The following PGBD5 variants were observed in gnomAD, a reference collection of about 807,000 sequenced individuals.
PGBD5 encodes piggyBac transposable element-derived protein 5.
A neutral mutation model predicts 47.9 loss-of-function variants in PGBD5; 14 were observed. The ratio of observed to expected loss-of-function variants is 0.29; its 90% CI spans 0.19 to 0.46. The LOEUF (loss-of-function observed/expected upper bound fraction) is 0.46, where lower values mean the gene tolerates loss of function less well. Among genes scored for constraint, PGBD5 ranks in the 20% least tolerant of loss-of-function variants. The pLI is 1.00. For missense variants in PGBD5, 635 were observed against 716.0 expected, an observed-to-expected ratio of 0.89 and a Z score of 1.29; for synonymous variants, 316 against 306.3, an observed-to-expected ratio of 1.03 and a Z score of -0.33.
Position 230,332,948 on chromosome 1 carries a change from C to T in PGBD5, c.1169G>A (p.Arg390Gln), listed in dbSNP as rs370203975. 6.2e-7 allele frequency: 1 copy of T among 1,614,132 alleles called. No homozygotes were observed. Among genetic ancestry groups the T allele is most frequent in the Admixed American group, 1.7e-5 (1 of 60,028 alleles). Reference sequence around the variant, plus strand: ...CTTCATCTTGATTTGGTACTGGCCCCGGGCCGGGGGTGTGGCTGGGTTGGT... The same window carrying T: ...CTTCATCTTGATTTGGTACTGGCCCTGGGCCGGGGGTGTGGCTGGGTTGGT... ...MLTNPATPPA[R>Q]GQYQIKMKGN... is the part of the protein sequence containing the mutation. The change falls in exon 5 of 7, where the codon CGG becomes CAG. Residue 390 changes from arginine to glutamine, a missense_variant. Transcript: ENST00000391860.
intron 1 of PGBD5, among the ~76,000 whole-genome samples, chr1:230,422,092 A>G (rs2102756866): frequency 6.6e-6 from 1 of 152,210 alleles, no homozygotes; most frequent in South Asian, 2.1e-4. Flanking sequence ...TGGGGGGAAA[A>G]CACACACATA....
Position 230,323,643 on chromosome 1 carries a change from C to T in PGBD5, c.1380-23G>A, listed in dbSNP as rs78150199. 4,125 of 1,599,946 alleles carry T rather than the reference C, an allele frequency of 2.6e-3. 80 individuals are homozygous for T. The African/African-American group carries it at 0.046, about 18-fold the overall frequency. On this transcript the variant is annotated intron_variant, in intron 6 of 6. Transcript: ENST00000391860. This position sits in a 1 kb window ranked among gnomAD's most constrained non-coding sequence, Gnocchi z 4.1. Reference sequence around the variant, plus strand: ...TACCTGAGGACAGAGGGAATAAGAACGGCTGACCCGATGGTTCATGGCACC... The same window carrying T: ...TACCTGAGGACAGAGGGAATAAGAATGGCTGACCCGATGGTTCATGGCACC...
intron 2 of PGBD5, among the ~76,000 whole-genome samples, chr1:230,351,773 A>T (rs1285907373): frequency 6.6e-6 from 1 of 152,158 alleles, no homozygotes; most frequent in African/African-American, 2.4e-5. Context: ...GGTTGTCATG[A>T]CCTTTCTGAC....
intron 1 of PGBD5, among the ~76,000 whole-genome samples, chr1:230,412,050 G>A (rs1657420799): frequency 1.3e-5 from 2 of 152,152 alleles, no homozygotes; most frequent in Non-Finnish European, 1.5e-5. Flanking sequence ...ATGTGTTCAT[G>A]TATGAGCACC....
At chr1:230,367,182 C>A (rs559851928) in intron 1 of PGBD5, among the ~76,000 whole-genome samples, 132 of 152,234 alleles carry the variant, frequency 8.7e-4, no homozygotes, top group Middle Eastern at 6.8e-3. Context: ...GGGTCCATTT[C>A]AGTTTTCCTT....
chr1:230,387,816 T>C (rs1489954898), intron 1 of PGBD5, among the ~76,000 whole-genome samples: 2 of 152,096 alleles, frequency 1.3e-5, no homozygotes, highest in Non-Finnish European at 2.9e-5. Context: ...GGGCCTGCAA[T>C]TGCATTCCAA....
At chr1:230,325,228 T>C in intron 6 of PGBD5, 82 bp downstream of exon 6, 1 of 1,036,626 alleles carries the variant, frequency 9.6e-7, no homozygotes. Flanking sequence ...CTGGGGAAAC[T>C]AGTGATCATC....
chr1:230,349,362 T>C (rs1667525989), intron 3 of PGBD5, among the ~76,000 whole-genome samples: 1 of 151,994 alleles, frequency 6.6e-6, no homozygotes, highest in Non-Finnish European at 1.5e-5. Flanking sequence ...ACTCCATCTC[T>C]ACCAAAATGA....
At position 230,323,074 on chromosome 1, in the gene PGBD5, C is replaced by T. The variant is rs912839697; in HGVS notation, c.*351G>A. 6 of 258,620 alleles carry T rather than the reference C, an allele frequency of 2.3e-5. No individual in the cohort carries two copies. Among genetic ancestry groups the T allele is most frequent in the East Asian group, 8.9e-5 (1 of 11,174 alleles). 16.0% of individuals were successfully genotyped at this position (258,620 alleles called of 1,614,324 possible). A position where few individuals can be genotyped will look rare whatever the true frequency, so the allele number is the denominator to read the frequency against. On this transcript the variant is annotated 3_prime_UTR_variant, in exon 7 of 7. Coordinates refer to ENST00000391860, the MANE Select transcript of PGBD5 (RefSeq NM_001258311.2). The surrounding 1 kb of genome is among the most constrained non-coding windows in gnomAD (Gnocchi z 4.1). The stretch of plus-strand genomic sequence containing the variant: ...TAGGAAGCAGGCATCTCTCTTAGAG[C>T]GTGCTCCAGCTCATTCTACCACGGG...
Position 230,399,471 on chromosome 1 carries a change from C to T in PGBD5, c.331+26127G>A, listed in dbSNP as rs147505403. Among the ~76,000 whole-genome samples, 958 of 152,288 alleles carry T rather than the reference C, an allele frequency of 6.3e-3. 14 individuals carry two copies. The highest frequency in any genetic ancestry group is 0.021 in the African/African-American group (886 of 41,550). ...GACCTAACCCCTTGCCGTGGCCCCA[C>T]CCTCTTCCAAAACCCTCCCATGGGT... On this transcript the variant is annotated intron_variant, in intron 1 of 6. Coordinates refer to ENST00000391860, the MANE Select transcript of PGBD5 (RefSeq NM_001258311.2).
chr1:230,341,491 A>C (rs1399198716), intron 3 of PGBD5, among the ~76,000 whole-genome samples: 1 of 152,202 alleles, frequency 6.6e-6, no homozygotes, highest in African/African-American at 2.4e-5. Context: ...CCAGGTTTAA[A>C]AGACAATCCT....
At position 230,323,694 on chromosome 1, in the gene PGBD5, C is replaced by G; in HGVS notation, c.1380-74G>C. 7.7e-7 allele frequency: 1 copy of G among 1,306,984 alleles called. No homozygotes were observed. Among genetic ancestry groups the G allele is most frequent in the Non-Finnish European group, 1.1e-6 (1 of 939,770 alleles). 81.0% of individuals were successfully genotyped at this position (1,306,984 alleles called of 1,614,324 possible). On this transcript the variant is annotated intron_variant, in intron 6 of 6. Transcript: ENST00000391860. This position sits in a 1 kb window ranked among gnomAD's most constrained non-coding sequence, Gnocchi z 4.1. Reference sequence around the variant, plus strand: ...CGGAGATGCATCCCAAAGGCCCCCCCTCACCACAGCCCGTGAGACGCTGCA... The same window carrying G: ...CGGAGATGCATCCCAAAGGCCCCCCGTCACCACAGCCCGTGAGACGCTGCA...
At chr1:230,417,105 C>T (rs574282004) in intron 1 of PGBD5, among the ~76,000 whole-genome samples, 4 of 152,300 alleles carry the variant, frequency 2.6e-5, no homozygotes, top group Non-Finnish European at 2.9e-5. Context: ...CTGCAACTCA[C>T]AAATGAGGGG....
At position 230,314,783 on chromosome 1, in the gene PGBD5, G is replaced by A. The variant is rs1174955003; in HGVS notation, c.*8642C>T. 6.6e-6 allele frequency: 1 copy of A among 151,980 alleles called. No individual in the cohort carries two copies. Among genetic ancestry groups the A allele is most frequent in the East Asian group, 1.9e-4 (1 of 5,194 alleles). The allele number at this position is 151,980 out of a possible 1,614,324, so 9.4% of individuals were successfully genotyped here. ...GCTGTGTGATATCTGTGCAGTTTGT[G>A]ATAAAATTAAAAATTTTCTGTGAAA... On this transcript the variant is annotated 3_prime_UTR_variant, in exon 7 of 7. Transcript: ENST00000391860.
At chr1:230,406,332 A>AAAGAAAT (rs1313260904) in intron 1 of PGBD5, among the ~76,000 whole-genome samples, 9 of 151,530 alleles carry the variant, frequency 5.9e-5, no homozygotes, top group Non-Finnish European at 1.2e-4. Flanking sequence ...AAAAAAAAAA[A>AAAGAAAT]AAGAAATTCT....
In PGBD5 at chr1:230,357,447, G is replaced by T; in HGVS notation, c.332-126C>A. The T allele has an allele frequency of 9.8e-7, 1 of 1,018,704 alleles. No homozygotes were observed. The highest frequency in any genetic ancestry group is 1.4e-6 in the Non-Finnish European group (1 of 707,490). 63.1% of individuals were successfully genotyped at this position (1,018,704 alleles called of 1,614,324 possible). On this transcript the variant is annotated intron_variant, in intron 1 of 6. Coordinates refer to ENST00000391860, the MANE Select transcript of PGBD5 (RefSeq NM_001258311.2). The surrounding 1 kb of genome is among the most constrained non-coding windows in gnomAD (Gnocchi z 5.7). ...TGCCCCCGCTGCCTCCAGTGCTACC[G>T]CCTTCCCCTCCAACCTTCCAGAAGC...
chr1:230,343,224 C>T (rs1419359749), intron 3 of PGBD5, among the ~76,000 whole-genome samples: 1 of 152,172 alleles, frequency 6.6e-6, no homozygotes, highest in Non-Finnish European at 1.5e-5. Context: ...GGGAGCCTTG[C>T]CTTCATCTCA....
At chr1:230,346,983 T>C (rs1317745991) in intron 3 of PGBD5, among the ~76,000 whole-genome samples, 1 of 152,126 alleles carries the variant, frequency 6.6e-6, no homozygotes, top group African/African-American at 2.4e-5. Context: ...TCCCAACTCT[T>C]TATTGTAAAA....
intron 6 of PGBD5, among the ~76,000 whole-genome samples, chr1:230,324,632 T>G (rs537636501): frequency 1.3e-5 from 2 of 152,326 alleles, no homozygotes; most frequent in Admixed American, 6.5e-5. Context: ...AACCCTGTTC[T>G]AAGTGGTAAG....
Sources: gnomAD v4.1 joint callset for allele counts (sites outside exome capture counted in the v4.1 genomes callset) on GRCh38, gnomAD v4.1.1 for gene constraint, Gnocchi (gnomAD v3.1) non-coding constraint, MANE v1.5 for transcripts, NCBI Gene and HGNC (gene_info 2026-07-23, HGNC 2026-07-21) for gene names.